CDH13: variants seen among roughly 807,000 people sequenced by gnomAD.
The protein encoded by CDH13 is cadherin-13.
Under a neutral mutation model 63.8 loss-of-function variants are expected in CDH13, and 24 were observed. The observed-to-expected ratio is 0.38, with a 90% CI of 0.27 to 0.53. The LOEUF (loss-of-function observed/expected upper bound fraction) is 0.53, where lower values mean the gene tolerates loss of function less well. Ranked by LOEUF, CDH13 falls within the 20% of genes least tolerant of loss-of-function variation. CDH13 has a pLI of 0.85. For synonymous variants in CDH13, 503 were observed against 355.3 expected (o/e 1.42, Z -4.67); for missense variants, 1,049 against 903.1 (o/e 1.16, Z -2.07).
intron 3 of CDH13, among the ~76,000 whole-genome samples, chr16:83,113,203 T>C (rs1481307430): frequency 6.6e-6 from 1 of 152,250 alleles, no homozygotes; most frequent in Non-Finnish European, 1.5e-5. Flanking sequence ...TCACAAAGCA[T>C]TGAGCACCCC....
At chr16:83,732,119 T>C (rs1385795914) in intron 10 of CDH13, among the ~76,000 whole-genome samples, 4 of 152,196 alleles carry the variant, frequency 2.6e-5, no homozygotes, top group Non-Finnish European at 5.9e-5. Flanking sequence ...CAAGACAGTG[T>C]GGAGTTTCCA....
chr16:82,978,935 A>G (rs1909891604), intron 2 of CDH13, among the ~76,000 whole-genome samples: 1 of 152,188 alleles, frequency 6.6e-6, no homozygotes, highest in African/African-American at 2.4e-5. Flanking sequence ...GCTAGCCATG[A>G]AAGCAGCCGG....
chr16:83,355,011 C>T (rs1256486579), intron 6 of CDH13, among the ~76,000 whole-genome samples: 1 of 152,180 alleles, frequency 6.6e-6, no homozygotes, highest in Non-Finnish European at 1.5e-5. Context: ...AAAAAGTTTG[C>T]AGACCCCTGG....
chr16:83,228,607 C>G (rs1567522661), intron 5 of CDH13, among the ~76,000 whole-genome samples: 1 of 152,190 alleles, frequency 6.6e-6, no homozygotes, highest in Non-Finnish European at 1.5e-5. Flanking sequence ...TGACAGGAGA[C>G]AGAGACGCGG....
At chr16:83,736,574 C>A (rs908362447) in intron 10 of CDH13, among the ~76,000 whole-genome samples, 2 of 151,736 alleles carry the variant, frequency 1.3e-5, no homozygotes, top group Non-Finnish European at 2.9e-5. Context: ...TTTGCAAAGA[C>A]ACTTATAAAG....
chr16:83,025,196 C>T (rs1457612109), intron 2 of CDH13, among the ~76,000 whole-genome samples: 2 of 152,192 alleles, frequency 1.3e-5, no homozygotes, highest in Non-Finnish European at 2.9e-5. Flanking sequence ...ATCTTGTTTA[C>T]ACATGCCATA....
intron 10 of CDH13, among the ~76,000 whole-genome samples, chr16:83,738,487 C>G (rs146212250): frequency 0.015 from 2,215 of 152,308 alleles, 45 homozygotes; most frequent in African/African-American, 0.048. Flanking sequence ...ACACAGAGGA[C>G]CAAACTAGCA....
chr16:83,672,385 G>C (rs1914572959), intron 9 of CDH13, among the ~76,000 whole-genome samples: 4 of 136,322 alleles, frequency 2.9e-5, no homozygotes, highest in African/African-American at 2.7e-5. Context: ...ATGGTAGATA[G>C]AGTGAGGCAG....
At chr16:83,706,866 C>G (rs1356664787) in intron 10 of CDH13, among the ~76,000 whole-genome samples, 1 of 152,162 alleles carries the variant, frequency 6.6e-6, no homozygotes, top group Non-Finnish European at 1.5e-5. Flanking sequence ...ATCCTTATGT[C>G]TCTCTGAAAA....
chr16:82,991,005 G>T (rs1387545459), intron 2 of CDH13, among the ~76,000 whole-genome samples: 1 of 152,170 alleles, frequency 6.6e-6, no homozygotes, highest in Non-Finnish European at 1.5e-5. Flanking sequence ...GGAAAAGAGG[G>T]CAGTAGTGGT....
At chr16:82,802,340 G>T (rs1006439648) in intron 1 of CDH13, among the ~76,000 whole-genome samples, 1 of 152,156 alleles carries the variant, frequency 6.6e-6, no homozygotes, top group East Asian at 1.9e-4. Flanking sequence ...ACCAGGAGTC[G>T]ACCCTGATGA....
intron 4 of CDH13, among the ~76,000 whole-genome samples, chr16:83,216,436 A>G (rs1445666420): frequency 7.4e-5 from 9 of 121,074 alleles, no homozygotes; most frequent in Non-Finnish European, 1.4e-4. Context: ...ATATATATAT[A>G]TATATATACA....
intron 2 of CDH13, among the ~76,000 whole-genome samples, chr16:82,995,458 C>A (rs1912099338): frequency 6.6e-6 from 1 of 152,072 alleles, no homozygotes; most frequent in Non-Finnish European, 1.5e-5. Context: ...GAAACGCAAA[C>A]GTGGTGGTGA....
intron 2 of CDH13, among the ~76,000 whole-genome samples, chr16:83,016,885 T>C (rs981391985): frequency 6.6e-6 from 1 of 152,202 alleles, no homozygotes; most frequent in Non-Finnish European, 1.5e-5. Flanking sequence ...AAAACCAAAA[T>C]TGACATTCTG....
At chr16:82,643,148 C>G (rs1049686992) in intron 1 of CDH13, among the ~76,000 whole-genome samples, 38 of 152,150 alleles carry the variant, frequency 2.5e-4, no homozygotes, top group African/African-American at 8.0e-4. Flanking sequence ...TACATTAGCT[C>G]TCTGTAAATA....
chr16:82,871,149 G>A (rs1042505943), intron 2 of CDH13, among the ~76,000 whole-genome samples: 2 of 152,232 alleles, frequency 1.3e-5, no homozygotes, highest in Non-Finnish European at 2.9e-5. Context: ...GCAGAATACA[G>A]TGCTAAGGGG....
chr16:83,043,527 G>GTT (rs1427221334), intron 3 of CDH13, among the ~76,000 whole-genome samples: 2 of 140,540 alleles, frequency 1.4e-5, no homozygotes, highest in African/African-American at 5.4e-5. Flanking sequence ...GTGTGTGTGT[G>GTT]TATGTATAAC....
chr16:82,684,397 G>C (rs1032626907), intron 1 of CDH13, among the ~76,000 whole-genome samples: 2 of 152,166 alleles, frequency 1.3e-5, no homozygotes, highest in African/African-American at 4.8e-5. Context: ...TTGTTTTGTG[G>C]GTCAACTCAC....
At chr16:83,560,574 G>A (rs76576534) in intron 7 of CDH13, among the ~76,000 whole-genome samples, 3,939 of 152,246 alleles carry the variant, frequency 0.026, 63 homozygotes, top group Admixed American at 0.049. Context: ...TACAAGATGA[G>A]CAACTCCTAA....
Sources: gnomAD v4.1 joint callset for allele counts (sites outside exome capture counted in the v4.1 genomes callset) on GRCh38, gnomAD v4.1.1 for gene constraint, MANE v1.5 for transcripts, NCBI Gene and HGNC (gene_info 2026-07-23, HGNC 2026-07-21) for gene names.